Variants in TP53BP1 observed in about 807,000 individuals in gnomAD.
The protein encoded by TP53BP1 is tumor protein p53 binding protein 1.
Under a neutral mutation model 200.8 loss-of-function variants are expected in TP53BP1, and 61 were observed. The ratio of observed to expected loss-of-function variants is 0.30; its 90% CI spans 0.25 to 0.38. The LOEUF (loss-of-function observed/expected upper bound fraction) is 0.38. Ranked by LOEUF, TP53BP1 falls within the 10% of genes least tolerant of loss-of-function variation. The probability of loss-of-function intolerance (pLI) is 1.00; values close to 1 mark genes in which losing one functional copy is unlikely to be tolerated. For synonymous variants in TP53BP1, 822 were observed against 844.3 expected (o/e 0.97, Z 0.46); for missense variants, 2,144 against 2,371.9 (o/e 0.90, Z 2.00).
chr15:43,461,080 C>T lies in TP53BP1; in HGVS notation c.1390-3862G>A, dbSNP rs566581844. Among the ~76,000 whole-genome samples, 11 of 151,856 alleles carry T rather than the reference C, an allele frequency of 7.2e-5. No individual in the cohort carries two copies. In the South Asian group the frequency reaches 2.1e-3, roughly 29 times the overall value. ...AACACAACAGCCCTGAAATTCTATACCCCATAATCCAATAATTCCATTTCT... is the reference window on the plus strand; with the variant it reads ...AACACAACAGCCCTGAAATTCTATATCCCATAATCCAATAATTCCATTTCT... On this transcript the variant is annotated intron_variant, in intron 11 of 27. Transcript: ENST00000382044.
chr15:43,434,756 A>G (rs2045751330), intron 16 of TP53BP1, among the ~76,000 whole-genome samples: 1 of 152,250 alleles, frequency 6.6e-6, no homozygotes, highest in African/African-American at 2.4e-5. Context: ...TTTATAAGCT[A>G]TCTAGCCTAT....
At chr15:43,479,322 T>C in intron 7 of TP53BP1, 75 bp downstream of exon 7, 1 of 1,390,860 alleles carries the variant, frequency 7.2e-7, no homozygotes, top group Non-Finnish European at 9.5e-7. Context: ...TCTAAAAATG[T>C]TTTCATCTGG....
intron 4 of TP53BP1, among the ~76,000 whole-genome samples, chr15:43,490,231 A>C (rs2079102315): frequency 6.6e-6 from 1 of 152,078 alleles, no homozygotes; most frequent in African/African-American, 2.4e-5. Context: ...CTGGTATTAC[A>C]GGTACCCGCT....
Position 43,456,970 on chromosome 15 carries a change from T to C in TP53BP1, c.1638A>G (p.Glu546=). 1 of 1,614,220 alleles carries C rather than the reference T, an allele frequency of 6.2e-7. No homozygotes were observed. Among genetic ancestry groups the C allele is most frequent in the Non-Finnish European group, 8.5e-7 (1 of 1,180,040 alleles). Residue 546 remains glutamate (E), a synonymous_variant, in exon 12 of 28, where the codon GAA becomes GAG. Coordinates refer to ENST00000382044, the MANE Select transcript of TP53BP1 (RefSeq NM_001141980.3). Reference sequence around the variant, plus strand: ...GTTCCGTATCCTCAATCTGTGTGTTTTCTCCATCTTCATCAATTCTGTGAG... The same window carrying C: ...GTTCCGTATCCTCAATCTGTGTGTTCTCTCCATCTTCATCAATTCTGTGAG... ...LSSHRIDEDG[E]NTQIEDTEPM...
At chr15:43,438,271 A>C in intron 16 of TP53BP1, 53 bp downstream of exon 16, 1 of 1,521,798 alleles carries the variant, frequency 6.6e-7, no homozygotes, top group Non-Finnish European at 9.1e-7. Flanking sequence ...TTTGGGCACT[A>C]ACCATTTTGT....
chr15:43,482,394 G>A (rs139342913), intron 4 of TP53BP1, among the ~76,000 whole-genome samples: 3 of 152,150 alleles, frequency 2.0e-5, no homozygotes, highest in Admixed American at 6.5e-5. Flanking sequence ...CCAGCACTTC[G>A]GGAGGCCGAA....
chr15:43,507,061 C>A (rs1407579677), intron 1 of TP53BP1, among the ~76,000 whole-genome samples: 1 of 152,166 alleles, frequency 6.6e-6, no homozygotes, highest in African/African-American at 2.4e-5. Context: ...CCCACTCCCA[C>A]TCTGTGGAAT....
At chr15:43,468,547 A>C (rs768484079) in intron 11 of TP53BP1, among the ~76,000 whole-genome samples, 15 of 138,204 alleles carry the variant, frequency 1.1e-4, no homozygotes, top group Non-Finnish European at 2.4e-4. Context: ...ATCCTGTCTC[A>C]AAAAAAAAAA....
intron 14 of TP53BP1, among the ~76,000 whole-genome samples, chr15:43,442,382 G>A (rs998985920): frequency 2.0e-5 from 3 of 151,848 alleles, no homozygotes; most frequent in African/African-American, 4.8e-5. Context: ...CACTGTGCCC[G>A]GCTGGCTATT....
intron 11 of TP53BP1, among the ~76,000 whole-genome samples, chr15:43,460,329 C>G (rs1033061188): frequency 2.0e-5 from 3 of 152,088 alleles, no homozygotes; most frequent in African/African-American, 7.2e-5. Flanking sequence ...GGCTTAATCA[C>G]GGCTCATTGC....
At chr15:43,427,333 A>C (rs1344665499) in intron 18 of TP53BP1, among the ~76,000 whole-genome samples, 2 of 152,252 alleles carry the variant, frequency 1.3e-5, no homozygotes, top group African/African-American at 4.8e-5. Flanking sequence ...ATGAGTAGAC[A>C]TGAAAATATG....
In TP53BP1 at chr15:43,432,506, T is replaced by A; in HGVS notation, c.3363A>T (p.Gln1121His). The change falls in exon 17 of 28, where the codon CAA (glutamine) becomes CAT (histidine). Residue 1121 changes from glutamine to histidine, a missense_variant. Coordinates refer to ENST00000382044, the MANE Select transcript of TP53BP1 (RefSeq NM_001141980.3). ...KMVIQGPSSP[Q>H]GEAMVTDVLE... is the part of the protein sequence containing the mutation. ...GCACATCTGTCACCATTGCCTCTCC[T>A]TGAGGACTGGATGGCCCTTGTATGA... 1 of 1,614,174 alleles carries A rather than the reference T, an allele frequency of 6.2e-7. No individual in the cohort carries two copies.
In TP53BP1 at chr15:43,447,494, AAAAAAAAAAAG is replaced by A. The variant is rs2046070052; in HGVS notation, c.2717-20_2717-10del. On this transcript the variant is annotated splice_polypyrimidine_tract_variant and intron_variant, in intron 12 of 27. Coordinates refer to ENST00000382044, the MANE Select transcript of TP53BP1 (RefSeq NM_001141980.3). Reference sequence around the variant, plus strand: ...GAAATGAAATGGGGTTTCTGAAAAAAAAAAAAAAAAGAAAAAAGAAAGAAAGAAAAAATGAT... The same window carrying A: ...GAAATGAAATGGGGTTTCTGAAAAAAAAAAAAGAAAGAAAGAAAAAATGAT... The A allele has an allele frequency of 1.3e-6, 2 of 1,488,936 alleles. No homozygotes were observed. Among genetic ancestry groups the A allele is most frequent in the African/African-American group, 1.5e-5 (1 of 67,384 alleles). 92.2% of individuals were successfully genotyped at this position (1,488,936 alleles called of 1,614,324 possible). A position where few individuals can be genotyped will look rare whatever the true frequency, so the allele number is the denominator to read the frequency against.
chr15:43,421,270 C>T (rs747956928), intron 19 of TP53BP1, 96 bp from the exon 20 acceptor site: 10 of 1,343,890 alleles, frequency 7.4e-6, no homozygotes, highest in South Asian at 2.7e-5. Flanking sequence ...GACAGGCCTA[C>T]ATGTGCTGAG....
At chr15:43,408,611 T>C in intron 26 of TP53BP1, 1 of 406,196 alleles carries the variant, frequency 2.5e-6, no homozygotes, top group Non-Finnish European at 4.6e-6. Flanking sequence ...ATCATGCTCC[T>C]GAGCCTATAT....
intron 11 of TP53BP1, among the ~76,000 whole-genome samples, chr15:43,468,954 T>C (rs2140089250): frequency 6.6e-6 from 1 of 152,356 alleles, no homozygotes; most frequent in South Asian, 2.1e-4. Context: ...AATTTCTTCC[T>C]ACTGTCCCCT....
At chr15:43,426,417 G>A (rs1305378748) in intron 18 of TP53BP1, among the ~76,000 whole-genome samples, 1 of 128,702 alleles carries the variant, frequency 7.8e-6, no homozygotes, top group Non-Finnish European at 1.5e-5. Flanking sequence ...TCCAACCTGG[G>A]CAACAGAGTG....
At position 43,403,818 on chromosome 15, in the gene TP53BP1, A is replaced by G. The variant is rs779722526; in HGVS notation, c.*3565T>C. 1 of 1,585,570 alleles carries G rather than the reference A, an allele frequency of 6.3e-7. No individual in the cohort carries two copies. The highest frequency in any genetic ancestry group is 1.1e-5 in the South Asian group (1 of 90,448). On this transcript the variant is annotated 3_prime_UTR_variant, in exon 28 of 28. Transcript: ENST00000382044. ...CGTGAAGGTGCGTCTGCCTGGAAGTATGCAGCCTTGCCGAAAGGACAGAGG... is the reference window on the plus strand; with the variant it reads ...CGTGAAGGTGCGTCTGCCTGGAAGTGTGCAGCCTTGCCGAAAGGACAGAGG...
At chr15:43,478,115 A>C (rs1424055528) in intron 7 of TP53BP1, among the ~76,000 whole-genome samples, 1 of 152,220 alleles carries the variant, frequency 6.6e-6, no homozygotes, top group African/African-American at 2.4e-5. Context: ...GATGCCAGTA[A>C]GGAGAACAGT....
Sources: gnomAD v4.1 joint callset for allele counts (sites outside exome capture counted in the v4.1 genomes callset) on GRCh38, gnomAD v4.1.1 for gene constraint, MANE v1.5 for transcripts, NCBI Gene and HGNC (gene_info 2026-07-23, HGNC 2026-07-21) for gene names.